Variants in COL21A1 observed in about 807,000 individuals in gnomAD.
The protein encoded by COL21A1 is collagen alpha-1(XXI) chain.
In COL21A1, 149 loss-of-function variants were observed where a neutral mutation model predicts 137.9. The observed-to-expected ratio is 1.08, with a 90% CI of 0.95 to 1.24. The LOEUF (loss-of-function observed/expected upper bound fraction) is 1.24, where lower values mean the gene tolerates loss of function less well. Ranked by LOEUF, COL21A1 falls within the 50% of genes most tolerant of loss-of-function variation. COL21A1 has a pLI of 0.00. For missense variants in COL21A1, 1,167 were observed against 1,158.4 expected, an observed-to-expected ratio of 1.01 and a Z score of -0.11; for synonymous variants, 456 against 391.5, an observed-to-expected ratio of 1.16 and a Z score of -1.95.
chr6:56,177,653 G>A (rs1336431603), intron 3 of COL21A1, among the ~76,000 whole-genome samples: 1 of 151,866 alleles, frequency 6.6e-6, no homozygotes, highest in African/African-American at 2.4e-5. Context: ...AAATTAGCCG[G>A]GCGTGGTGGG....
At chr6:56,384,000 T>C (rs1160841671) in intron 1 of COL21A1, among the ~76,000 whole-genome samples, 1 of 152,148 alleles carries the variant, frequency 6.6e-6, no homozygotes, top group East Asian at 1.9e-4. Flanking sequence ...ATTTTTTTCC[T>C]TAGATTAAAC....
At chr6:56,237,457 A>C (rs954842535) in intron 1 of COL21A1, among the ~76,000 whole-genome samples, 2 of 152,172 alleles carry the variant, frequency 1.3e-5, no homozygotes, top group African/African-American at 4.8e-5. Context: ...TTTTAAATTA[A>C]GTCATTAGTG....
intron 17 of COL21A1, among the ~76,000 whole-genome samples, chr6:56,083,909 A>C (rs908965515): frequency 1.3e-5 from 2 of 151,976 alleles, no homozygotes; most frequent in Non-Finnish European, 2.9e-5. Flanking sequence ...TATCCGTATA[A>C]TATACTATAC....
In COL21A1 at chr6:56,057,678, G is replaced by T. The variant is rs1321533965; in HGVS notation, c.2853C>A (p.Phe951Leu). Residue 951 changes from phenylalanine (F) to leucine (L), a missense_variant, in exon 30 of 30, where the codon TTC becomes TTA. Phe to Leu is a conservative substitution (Grantham distance 22). Coordinates refer to ENST00000244728, the MANE Select transcript of COL21A1 (RefSeq NM_030820.4). The stretch of plus-strand genomic sequence containing the variant: ...GACACTAATAGTTTGGTCCTTTTCT[G>T]AACGGATCTCTTCTGGCAATTACAC... ...CFSVIARRDP[F>L]RKGPNY is the part of the protein sequence containing the mutation. 1.2e-6 allele frequency: 2 copies of T among 1,613,150 alleles called. No homozygotes were observed. Among genetic ancestry groups the T allele is most frequent in the South Asian group, 1.1e-5 (1 of 91,028 alleles).
intron 13 of COL21A1, 58 bp from the exon 14 acceptor site, chr6:56,125,678 A>G (rs1243595274): frequency 8.8e-7 from 1 of 1,142,448 alleles, no homozygotes; most frequent in Non-Finnish European, 1.2e-6. Flanking sequence ...TTTCTTATAA[A>G]GAAAAAATAC....
chr6:56,164,681 T>A (rs1347455741), intron 8 of COL21A1, 133 bp downstream of exon 8: 2 of 854,504 alleles, frequency 2.3e-6, no homozygotes, highest in African/African-American at 3.4e-5. Context: ...AATCTATAAA[T>A]ATTAAATACA....
Position 56,098,666 on chromosome 6 carries a change from AAT to A in COL21A1, c.1812+2804_1812+2805del, listed in dbSNP as rs1205829932. On this transcript the variant is annotated intron_variant, in intron 17 of 29. Coordinates refer to ENST00000244728, the MANE Select transcript of COL21A1 (RefSeq NM_030820.4). The stretch of plus-strand genomic sequence containing the variant: ...ATATATAAATATATAAATATATATA[AAT>A]ATATATATAAATATATATAAATATA... 3.9e-4 allele frequency among the ~76,000 whole-genome samples: 6 copies of A among 15,296 alleles called. 1 individual carries two copies. The highest frequency in any genetic ancestry group is 4.2e-3 in the East Asian group (1 of 240). 10.0% of individuals were successfully genotyped at this position (15,296 alleles called of 152,430 possible).
intron 1 of COL21A1, among the ~76,000 whole-genome samples, chr6:56,261,048 G>T (rs2152330761): frequency 3.7e-5 from 1 of 26,988 alleles, no homozygotes; most frequent in East Asian, 1.4e-3. Flanking sequence ...TGGTTTTCTT[G>T]ACACTTCACT....
chr6:56,384,629 T>C (rs2094014403), intron 1 of COL21A1, among the ~76,000 whole-genome samples: 1 of 152,222 alleles, frequency 6.6e-6, no homozygotes, highest in Admixed American at 6.5e-5. Flanking sequence ...TTAAGTATTC[T>C]GGCCCACAAA....
At position 56,060,338 on chromosome 6, in the gene COL21A1, C is replaced by G; in HGVS notation, c.2408-120G>C. The G allele has an allele frequency of 7.5e-6, 6 of 804,084 alleles. No individual in the cohort carries two copies. The South Asian group carries it at 1.1e-4, about 14-fold the overall frequency. The allele number at this position is 804,084 out of a possible 1,614,324, so 49.8% of individuals were successfully genotyped here. A position where few individuals can be genotyped will look rare whatever the true frequency, so the allele number is the denominator to read the frequency against. ...ACGAACATTGAATATGTGCATATTT[C>G]TTGGCCAATAATTTCACTTCTAGGA... On this transcript the variant is annotated intron_variant, in intron 27 of 29. Transcript: ENST00000244728.
intron 1 of COL21A1, among the ~76,000 whole-genome samples, chr6:56,300,049 T>A (rs1180835158): frequency 6.6e-6 from 1 of 152,118 alleles, no homozygotes; most frequent in African/African-American, 2.4e-5. Flanking sequence ...TATTTAGTTG[T>A]TATGTTTTTC....
chr6:56,097,651 GC>G lies in COL21A1; in HGVS notation c.1812+3820del, dbSNP rs1769468583. 2.7e-5 allele frequency among the ~76,000 whole-genome samples: 4 copies of G among 149,168 alleles called. No individual in the cohort carries two copies. The South Asian group carries it at 8.4e-4, about 31-fold the overall frequency. ...CTTGAATAAAGTGGGAGCAGGCAGG[GC>G]AAAAACAAACCCAAATCAGTGTCTG... On this transcript the variant is annotated intron_variant, in intron 17 of 29. Transcript: ENST00000244728.
chr6:56,088,826 A>G (rs1364910192), intron 17 of COL21A1, among the ~76,000 whole-genome samples: 5 of 151,962 alleles, frequency 3.3e-5, no homozygotes, highest in Non-Finnish European at 5.9e-5. Flanking sequence ...TCACTCTACC[A>G]CCCAGGCTGG....
intron 1 of COL21A1, among the ~76,000 whole-genome samples, chr6:56,368,730 A>G (rs915159743): frequency 2.6e-5 from 4 of 152,092 alleles, no homozygotes; most frequent in Non-Finnish European, 5.9e-5. Context: ...GTCACTTCCT[A>G]TCATTAATTC....
chr6:56,185,662 C>T (rs768865254), intron 1 of COL21A1, among the ~76,000 whole-genome samples: 83 of 151,940 alleles, frequency 5.5e-4, no homozygotes, highest in Non-Finnish European at 1.1e-3. Flanking sequence ...GTCTCGATCT[C>T]CTGACCTCAT....
intron 1 of COL21A1, among the ~76,000 whole-genome samples, chr6:56,321,151 T>TC (rs996760298): frequency 2.0e-5 from 3 of 152,164 alleles, no homozygotes; most frequent in African/African-American, 7.2e-5. Context: ...GGGAATCAAT[T>TC]CCCCATGGGT....
intron 1 of COL21A1, among the ~76,000 whole-genome samples, chr6:56,263,504 C>T (rs1172608857): frequency 6.6e-6 from 1 of 152,166 alleles, no homozygotes; most frequent in Non-Finnish European, 1.5e-5. Context: ...TGGTATCAAG[C>T]GTTGGAAGCT....
At chr6:56,076,211 ATCTTCAATACCTAT>A (rs1466410272) in intron 18 of COL21A1, among the ~76,000 whole-genome samples, 1 of 151,444 alleles carries the variant, frequency 6.6e-6, no homozygotes, top group African/African-American at 2.4e-5. Flanking sequence ...GGAAGCAGGA[ATCTTCAATACCTAT>A]GATGACTCAG....
chr6:56,297,214 T>A (rs1440382239), intron 1 of COL21A1, among the ~76,000 whole-genome samples: 1 of 152,144 alleles, frequency 6.6e-6, no homozygotes, highest in Non-Finnish European at 1.5e-5. Context: ...GCCATGCGCA[T>A]GAGTTACTCA....
Sources: gnomAD v4.1 joint callset for allele counts (sites outside exome capture counted in the v4.1 genomes callset) on GRCh38, gnomAD v4.1.1 for gene constraint, MANE v1.5 for transcripts, NCBI Gene and HGNC (gene_info 2026-07-23, HGNC 2026-07-21) for gene names.